The following KCNQ3 variants were observed in gnomAD, a reference collection of about 807,000 sequenced individuals.
KCNQ3 encodes the protein potassium voltage-gated channel subfamily Q member 3, also known as potassium voltage-gated channel subfamily KQT member 3.
Under a neutral mutation model 92.5 loss-of-function variants are expected in KCNQ3, and 30 were observed. The ratio of observed to expected loss-of-function variants is 0.32; its 90% CI spans 0.24 to 0.44. The LOEUF (loss-of-function observed/expected upper bound fraction) is 0.44. KCNQ3 is among the 20% of genes least tolerant of loss of function. KCNQ3 has a pLI of 1.00. For missense variants in KCNQ3, 913 were observed against 1,140.3 expected (o/e 0.80, Z 2.87); for synonymous variants, 450 against 468.8 (o/e 0.96, Z 0.52).
At chr8:132,449,344 G>T (rs1003682207) in intron 1 of KCNQ3, among the ~76,000 whole-genome samples, 3 of 151,932 alleles carry the variant, frequency 2.0e-5, no homozygotes, top group African/African-American at 7.3e-5. Flanking sequence ...GTGGCCACAG[G>T]ATCGGATTAC....
chr8:132,166,481 C>T (rs764408166), intron 8 of KCNQ3, among the ~76,000 whole-genome samples: 9 of 152,148 alleles, frequency 5.9e-5, no homozygotes, highest in Admixed American at 2.0e-4. Context: ...GTACTAAGTC[C>T]ATTCAGTCTC....
intron 1 of KCNQ3, among the ~76,000 whole-genome samples, chr8:132,248,369 A>G (rs1005178867): frequency 3.3e-5 from 5 of 150,674 alleles, no homozygotes; most frequent in African/African-American, 1.2e-4. Flanking sequence ...ATGAGATAGT[A>G]TTCTCTTTCC....
chr8:132,277,390 C>T (rs1326220216), intron 1 of KCNQ3, among the ~76,000 whole-genome samples: 1 of 152,098 alleles, frequency 6.6e-6, no homozygotes, highest in Non-Finnish European at 1.5e-5. Flanking sequence ...TTGCTCAGCC[C>T]TGGAATAGGC....
At chr8:132,260,232 T>C (rs1815734645) in intron 1 of KCNQ3, among the ~76,000 whole-genome samples, 1 of 152,156 alleles carries the variant, frequency 6.6e-6, no homozygotes, top group Admixed American at 6.5e-5. Context: ...TTGTAGAAAA[T>C]TCATGATAAT....
At chr8:132,420,815 C>G (rs1820945775) in intron 1 of KCNQ3, among the ~76,000 whole-genome samples, 1 of 152,146 alleles carries the variant, frequency 6.6e-6, no homozygotes, top group Non-Finnish European at 1.5e-5. Flanking sequence ...CTAACTGGGG[C>G]TCTAGATGCT....
At chr8:132,361,329 G>A (rs544738562) in intron 1 of KCNQ3, among the ~76,000 whole-genome samples, 2 of 152,114 alleles carry the variant, frequency 1.3e-5, no homozygotes, top group African/African-American at 2.4e-5. Context: ...TCACTCCAAG[G>A]TTCCCTTAGC....
intron 1 of KCNQ3, among the ~76,000 whole-genome samples, chr8:132,270,889 T>G (rs1379758522): frequency 2.0e-5 from 3 of 152,344 alleles, no homozygotes; most frequent in African/African-American, 7.2e-5. Flanking sequence ...CCAGGGATGT[T>G]TACTTTAACA....
At chr8:132,466,829 G>GT (rs1822183704) in intron 1 of KCNQ3, among the ~76,000 whole-genome samples, 1 of 152,124 alleles carries the variant, frequency 6.6e-6, no homozygotes, top group African/African-American at 2.4e-5. Context: ...CGTACACAGT[G>GT]TATCAGTACT....
intron 1 of KCNQ3, chr8:132,186,424 A>T (rs1826957568): frequency 1.7e-5 from 8 of 465,286 alleles, no homozygotes; most frequent in South Asian, 1.6e-4. Context: ...TTAACCAGCT[A>T]ATTAGTAGAA....
chr8:132,210,846 GT>G (rs1813829771), intron 1 of KCNQ3, among the ~76,000 whole-genome samples: 1 of 152,210 alleles, frequency 6.6e-6, no homozygotes, highest in Non-Finnish European at 1.5e-5. Context: ...GTCCACCACA[GT>G]ATTCTCATCT....
intron 1 of KCNQ3, among the ~76,000 whole-genome samples, chr8:132,446,277 C>A (rs1382832353): frequency 6.6e-6 from 1 of 152,184 alleles, no homozygotes; most frequent in Non-Finnish European, 1.5e-5. Context: ...AAGATTAGCA[C>A]CCAATTAATA....
At chr8:132,248,336 A>ATATG (rs1554636621) in intron 1 of KCNQ3, among the ~76,000 whole-genome samples, 1 of 14,464 alleles carries the variant, frequency 6.9e-5, no homozygotes, top group Non-Finnish European at 1.7e-4. Context: ...GTCTATAAGT[A>ATATG]TATATATATA....
At chr8:132,323,615 C>T (rs1376053335) in intron 1 of KCNQ3, among the ~76,000 whole-genome samples, 2 of 152,154 alleles carry the variant, frequency 1.3e-5, no homozygotes, top group African/African-American at 2.4e-5. Context: ...GGGCTTATTG[C>T]TCGTTTCCAT....
At chr8:132,243,446 AC>A in intron 1 of KCNQ3, among the ~76,000 whole-genome samples, 1 of 152,390 alleles carries the variant, frequency 6.6e-6, no homozygotes, top group South Asian at 2.1e-4. Flanking sequence ...AGACAGAGAA[AC>A]TGCCAAGGTT....
chr8:132,352,746 CAT>C (rs1257762515), intron 1 of KCNQ3, among the ~76,000 whole-genome samples: 1 of 152,134 alleles, frequency 6.6e-6, no homozygotes, highest in Non-Finnish European at 1.5e-5. Context: ...CTCAGTGACT[CAT>C]GTGTCATGAT....
chr8:132,385,464 G>A (rs1189994407), intron 1 of KCNQ3, among the ~76,000 whole-genome samples: 1 of 152,194 alleles, frequency 6.6e-6, no homozygotes, highest in Admixed American at 6.5e-5. Flanking sequence ...GTAGAGACGT[G>A]AGGCCCAATC....
chr8:132,245,004 T>C (rs946186950), intron 1 of KCNQ3, among the ~76,000 whole-genome samples: 19 of 152,064 alleles, frequency 1.2e-4, no homozygotes, highest in Non-Finnish European at 2.4e-4. Flanking sequence ...TCAGCATTTC[T>C]TTTACGCATT....
intron 1 of KCNQ3, among the ~76,000 whole-genome samples, chr8:132,204,257 A>G (rs1474888384): frequency 1.3e-5 from 2 of 152,142 alleles, no homozygotes; most frequent in African/African-American, 4.8e-5. Flanking sequence ...TGCATCTCCA[A>G]CACCAGCAAT....
At chr8:132,445,271 G>T (rs139988489) in intron 1 of KCNQ3, among the ~76,000 whole-genome samples, 25 of 152,240 alleles carry the variant, frequency 1.6e-4, no homozygotes, top group African/African-American at 5.5e-4. Flanking sequence ...GAAAGGAAGA[G>T]GGTCAGGCCC....
Sources: allele counts gnomAD v4.1 joint callset (sites outside exome capture counted in the v4.1 genomes callset), GRCh38; gene constraint gnomAD v4.1.1; transcripts MANE v1.5; gene names NCBI Gene and HGNC (gene_info 2026-07-23, HGNC 2026-07-21).